The following LANCL3 variants were observed in gnomAD, a reference collection of about 807,000 sequenced individuals.
LANCL3 encodes LanC like family member 3.
LANCL3 carries 19 observed loss-of-function variants against 26.5 expected under a neutral mutation model. That is an observed-to-expected ratio of 0.72 (90% CI 0.50 to 1.05). LANCL3 has a LOEUF of 1.05. Among genes scored for constraint, LANCL3 ranks in the 50% least tolerant of loss-of-function variants. LANCL3 has a pLI of 0.00. For missense variants in LANCL3, 318 were observed against 362.7 expected (o/e 0.88, Z 1.00); for synonymous variants, 160 against 166.6 (o/e 0.96, Z 0.30).
At position 37,678,308 on chromosome X, in the gene LANCL3, T is replaced by C. The variant is rs1454912885; in HGVS notation, c.*2495T>C. On this transcript the variant is annotated 3_prime_UTR_variant, in exon 5 of 5. Coordinates refer to ENST00000378619, the MANE Select transcript of LANCL3 (RefSeq NM_001170331.2). ...TTTTGCTGTAGGAAAGTGTGGCATG[T>C]TACTTCTTATTTAATTATCCAACTT... is the stretch of plus-strand genomic sequence containing the variant. 4.5e-5 allele frequency: 5 copies of C among 110,764 alleles called. No individual in the cohort carries two copies. The highest frequency in any genetic ancestry group is 1.6e-4 in the African/African-American group (5 of 30,513). 9.1% of individuals were successfully genotyped at this position (110,764 alleles called of 1,213,427 possible).
At chrX:37,602,929 T>A (rs189322107) in intron 1 of LANCL3, among the ~76,000 whole-genome samples, 2 of 109,740 alleles carry the variant, frequency 1.8e-5, no homozygotes, top group Non-Finnish European at 3.8e-5. Context: ...TTATCTGTAG[T>A]CTAGTCACCG....
chrX:37,607,171 C>G (rs1998099), intron 1 of LANCL3, among the ~76,000 whole-genome samples: 13,566 of 111,932 alleles, frequency 0.12, 918 homozygotes, highest in African/African-American at 0.25. Flanking sequence ...GCAAAAGTGC[C>G]AAGTTAAATG....
At chrX:37,634,811 C>T (rs1184255574) in intron 1 of LANCL3, among the ~76,000 whole-genome samples, 2 of 111,318 alleles carry the variant, frequency 1.8e-5, no homozygotes, top group African/African-American at 6.5e-5. Flanking sequence ...GATAAAGAGG[C>T]ATCATGTCTG....
rs782094502 is a variant in LANCL3, at chrX:37,578,980, TAAA to T, written c.573+6559_573+6561del. Among the ~76,000 whole-genome samples the T allele has an allele frequency of 7.4e-5, 4 of 53,707 alleles. No individual in the cohort carries two copies. In the East Asian group the frequency reaches 1.7e-3, roughly 23 times the overall value. The allele number at this position is 53,707 out of a possible 115,157, so 46.6% of individuals were successfully genotyped here. A position where few individuals can be genotyped will look rare whatever the true frequency, so the allele number is the denominator to read the frequency against. Reference sequence around the variant, plus strand: ...GGGCGGCAGAGTGAGACTCCATCTCTAAAAAAAAAAAAAAAAAAAAAAAATTAT... The same window carrying T: ...GGGCGGCAGAGTGAGACTCCATCTCTAAAAAAAAAAAAAAAAAAAAATTAT... On this transcript the variant is annotated intron_variant, in intron 1 of 4. Coordinates refer to ENST00000378619, the MANE Select transcript of LANCL3 (RefSeq NM_001170331.2).
chrX:37,632,802 A>G (rs1314245650), intron 1 of LANCL3, among the ~76,000 whole-genome samples: 2 of 111,999 alleles, frequency 1.8e-5, no homozygotes, highest in African/African-American at 6.5e-5. Flanking sequence ...TCTGGCTTGT[A>G]GAGTTTCTGC....
rs1360190938 is a variant in LANCL3 at position 37,678,499 on chromosome X, A to G, written c.*2686A>G. 8.9e-6 allele frequency: 1 copy of G among 111,883 alleles called. No homozygotes were observed. The highest frequency in any genetic ancestry group is 1.9e-5 in the Non-Finnish European group (1 of 53,102). 9.2% of individuals were successfully genotyped at this position (111,883 alleles called of 1,213,427 possible). A position where few individuals can be genotyped will look rare whatever the true frequency, so the allele number is the denominator to read the frequency against. On this transcript the variant is annotated 3_prime_UTR_variant, in exon 5 of 5. Coordinates refer to ENST00000378619, the MANE Select transcript of LANCL3 (RefSeq NM_001170331.2). ...GGTAATAGTGGAAATGTTTGAGGATACATTGAAATAGTCTCTCAATAATGG... is the reference window on the plus strand; with the variant it reads ...GGTAATAGTGGAAATGTTTGAGGATGCATTGAAATAGTCTCTCAATAATGG...
At chrX:37,657,393 T>G (rs1416331763) in intron 2 of LANCL3, among the ~76,000 whole-genome samples, 4 of 111,620 alleles carry the variant, frequency 3.6e-5, no homozygotes, top group African/African-American at 1.3e-4. Context: ...GACAAGGTCT[T>G]GCTCTGTCAC....
chrX:37,644,977 C>G (rs576727236), intron 1 of LANCL3, among the ~76,000 whole-genome samples: 1 of 112,107 alleles, frequency 8.9e-6, no homozygotes, highest in African/African-American at 3.2e-5. Flanking sequence ...TCATAAGAGT[C>G]TCATTATTAC....
chrX:37,572,410 C>T lies in LANCL3; in HGVS notation c.540C>T (p.Ala180=), dbSNP rs782189223. 1.7e-6 allele frequency: 2 copies of T among 1,175,235 alleles called. No individual in the cohort carries two copies. Among genetic ancestry groups the T allele is most frequent in the Non-Finnish European group, 2.3e-6 (2 of 877,611 alleles). Reference sequence around the variant, plus strand: ...TGGGCCGCGCGGGTTACCTGTGTGCCGCGCTGGTGCTCAAGCAGAAACTCG... The same window carrying T: ...TGGGCCGCGCGGGTTACCTGTGTGCTGCGCTGGTGCTCAAGCAGAAACTCG... ...LFVGRAGYLC[A]ALVLKQKLAQ... Residue 180 remains alanine (A), a synonymous_variant, in exon 1 of 5, where the codon GCC becomes GCT. Coordinates refer to ENST00000378619, the MANE Select transcript of LANCL3 (RefSeq NM_001170331.2).
intron 1 of LANCL3, among the ~76,000 whole-genome samples, chrX:37,609,931 G>C (rs1321827885): frequency 8.9e-6 from 1 of 111,965 alleles, no homozygotes; most frequent in Non-Finnish European, 1.9e-5. Context: ...CCCTGAGTCA[G>C]CTTTCCATTA....
rs987416392 is a variant in LANCL3, at chrX:37,665,798, G to T, written c.896-1484G>T. On this transcript the variant is annotated intron_variant, in intron 3 of 4. Transcript: ENST00000378619. ...AAACTCAACATGGAACCCTTTTAAGGAGTATGGGCTGTAGGCCTGCACAGG... is the reference window on the plus strand; with the variant it reads ...AAACTCAACATGGAACCCTTTTAAGTAGTATGGGCTGTAGGCCTGCACAGG... Among the ~76,000 whole-genome samples, 38 of 112,212 alleles carry T rather than the reference G, an allele frequency of 3.4e-4. 1 individual carries two copies. The highest frequency in any genetic ancestry group is 1.2e-3 in the African/African-American group (37 of 30,859).
intron 1 of LANCL3, among the ~76,000 whole-genome samples, chrX:37,630,301 G>T (rs1182508200): frequency 8.9e-6 from 1 of 111,848 alleles, no homozygotes; most frequent in East Asian, 2.8e-4. Flanking sequence ...CACTGATTTT[G>T]TATCTTGAGA....
At chrX:37,658,725 G>A (rs1275970614) in intron 2 of LANCL3, among the ~76,000 whole-genome samples, 1 of 112,025 alleles carries the variant, frequency 8.9e-6, no homozygotes, top group Non-Finnish European at 1.9e-5. Flanking sequence ...AAATCTGGCC[G>A]TTTCATTGGA....
At chrX:37,667,004 C>T (rs999243799) in intron 3 of LANCL3, among the ~76,000 whole-genome samples, 6 of 111,697 alleles carry the variant, frequency 5.4e-5, no homozygotes, top group African/African-American at 1.6e-4. Flanking sequence ...CTCTTTCTCC[C>T]GGGGCCAACC....
chrX:37,587,173 G>T (rs1278689813), intron 1 of LANCL3, among the ~76,000 whole-genome samples: 3 of 112,525 alleles, frequency 2.7e-5, no homozygotes, highest in Non-Finnish European at 5.6e-5. Flanking sequence ...TCTCAGAGGG[G>T]TACCCGGCTG....
chrX:37,632,730 T>C (rs1392727558), intron 1 of LANCL3, among the ~76,000 whole-genome samples: 1 of 111,203 alleles, frequency 9.0e-6, no homozygotes, highest in Non-Finnish European at 1.9e-5. Context: ...TTTGGCTGGA[T>C]ATGAAATTCT....
chrX:37,603,342 GC>G (rs1449130359), intron 1 of LANCL3, among the ~76,000 whole-genome samples: 6 of 111,794 alleles, frequency 5.4e-5, no homozygotes, highest in South Asian at 7.6e-4. Context: ...GAAGTGGAGT[GC>G]TGTATTCTAA....
intron 1 of LANCL3, among the ~76,000 whole-genome samples, chrX:37,654,372 G>A (rs1010429465): frequency 8.9e-6 from 1 of 112,530 alleles, no homozygotes; most frequent in African/African-American, 3.2e-5. Flanking sequence ...AAAATTAAAT[G>A]TGTCAGTTTT....
intron 1 of LANCL3, among the ~76,000 whole-genome samples, chrX:37,601,680 T>G (rs1474554010): frequency 8.9e-6 from 1 of 112,046 alleles, no homozygotes; most frequent in East Asian, 2.8e-4. Context: ...CTTTTTTGCC[T>G]TATGGTTGCA....
Sources: gnomAD v4.1 joint callset for allele counts (sites outside exome capture counted in the v4.1 genomes callset) on GRCh38, gnomAD v4.1.1 for gene constraint, MANE v1.5 for transcripts, NCBI Gene and HGNC (gene_info 2026-07-23, HGNC 2026-07-21) for gene names.